Variants in SDC3 observed in about 807,000 individuals in gnomAD.
SDC3 encodes the protein syndecan 3.
SDC3 carries 13 observed loss-of-function variants against 24.4 expected under a neutral mutation model. The observed-to-expected ratio is 0.53, with a 90% CI of 0.35 to 0.85. The LOEUF (loss-of-function observed/expected upper bound fraction) is 0.85, where lower values mean the gene tolerates loss of function less well. Among genes scored for constraint, SDC3 ranks in the 40% least tolerant of loss-of-function variants. The pLI is 0.01. For synonymous variants in SDC3, 295 were observed against 260.9 expected (o/e 1.13, Z -1.26); for missense variants, 571 against 584.5 (o/e 0.98, Z 0.24).
chr1:30,894,713 T>G (rs969939739), intron 1 of SDC3, among the ~76,000 whole-genome samples: 6 of 144,406 alleles, frequency 4.2e-5, no homozygotes, highest in African/African-American at 1.5e-4. Context: ...TGGGTGTGTG[T>G]GGGGAGTGTG....
chr1:30,902,402 G>A (rs1346504119), intron 1 of SDC3, among the ~76,000 whole-genome samples: 1 of 152,212 alleles, frequency 6.6e-6, no homozygotes, highest in Admixed American at 6.5e-5. Context: ...CGGAAGTGAA[G>A]GCCACCAGGC....
chr1:30,905,720 AG>A (rs1284852169), intron 1 of SDC3, among the ~76,000 whole-genome samples: 2 of 152,134 alleles, frequency 1.3e-5, no homozygotes, highest in African/African-American at 4.8e-5. Flanking sequence ...TAAAATGTTC[AG>A]GATCCTCACA....
At chr1:30,892,374 C>G (rs1639919327) in intron 1 of SDC3, among the ~76,000 whole-genome samples, 1 of 152,140 alleles carries the variant, frequency 6.6e-6, no homozygotes, top group South Asian at 2.1e-4. Flanking sequence ...TTGGCCCCCT[C>G]CCCTGTAGGA....
At position 30,874,600 on chromosome 1, in the gene SDC3, G is replaced by A. The variant is rs771735138; in HGVS notation, c.871-12C>T. ...TCTGGAGTTGGGGTCTGCAGAGAGG[G>A]TGGCATGAGCCCAGGACAACCACAC... On this transcript the variant is annotated splice_polypyrimidine_tract_variant and intron_variant, in intron 3 of 4. Coordinates refer to ENST00000339394, the MANE Select transcript of SDC3 (RefSeq NM_014654.4). 2 of 1,611,988 alleles carry A rather than the reference G, an allele frequency of 1.2e-6. No individual in the cohort carries two copies. Among genetic ancestry groups the A allele is most frequent in the African/African-American group, 1.3e-5 (1 of 74,874 alleles).
At chr1:30,906,994 C>T (rs1323037442) in intron 1 of SDC3, among the ~76,000 whole-genome samples, 1 of 152,180 alleles carries the variant, frequency 6.6e-6, no homozygotes, top group Non-Finnish European at 1.5e-5. Context: ...CAGCTGACAG[C>T]CCCCTAGATG....
Position 30,869,625 on chromosome 1 carries a change from C to A in SDC3, c.*3586G>T. The A allele has an allele frequency of 2.5e-6, 1 of 398,088 alleles. No individual in the cohort carries two copies. Among genetic ancestry groups the A allele is most frequent in the Non-Finnish European group, 4.4e-6 (1 of 226,064 alleles). The allele number at this position is 398,088 out of a possible 1,614,324, so 24.7% of individuals were successfully genotyped here. A position where few individuals can be genotyped will look rare whatever the true frequency, so the allele number is the denominator to read the frequency against. On this transcript the variant is annotated 3_prime_UTR_variant, in exon 5 of 5. Coordinates refer to ENST00000339394, the MANE Select transcript of SDC3 (RefSeq NM_014654.4). ...AGAGTACCCGCAGTGGGGCAGGCGC[C>A]TTGGTCTCTTTTTTCCACTGTCTTT...
chr1:30,902,281 A>G (rs1452420726), intron 1 of SDC3, among the ~76,000 whole-genome samples: 3 of 152,198 alleles, frequency 2.0e-5, no homozygotes, highest in African/African-American at 7.2e-5. Context: ...GCCCTCAGCC[A>G]TGGCCGCTCA....
Position 30,908,685 on chromosome 1 carries a change from G to T in SDC3, c.-99C>A, listed in dbSNP as rs1488484093. 7.9e-6 allele frequency: 3 copies of T among 378,862 alleles called. No homozygotes were observed. The highest frequency in any genetic ancestry group is 1.1e-5 in the Non-Finnish European group (3 of 278,510). The allele number at this position is 378,862 out of a possible 1,614,324, so 23.5% of individuals were successfully genotyped here. A position where few individuals can be genotyped will look rare whatever the true frequency, so the allele number is the denominator to read the frequency against. ...TGCTTGGCGGCGGCGCGGCCCGGCG[G>T]CTGGACCGACGCGCTCTAGGCTCGC... On this transcript the variant is annotated 5_prime_UTR_variant, in exon 1 of 5. Coordinates refer to ENST00000339394, the MANE Select transcript of SDC3 (RefSeq NM_014654.4).
At chr1:30,881,494 C>G (rs1639744212) in intron 1 of SDC3, 1 of 152,488 alleles carries the variant, frequency 6.6e-6, no homozygotes, top group African/African-American at 2.4e-5. Flanking sequence ...ACAACCTTTC[C>G]TCTCGGCTGC....
At chr1:30,894,255 ATG>A (rs3080429) in intron 1 of SDC3, among the ~76,000 whole-genome samples, 69,923 of 133,120 alleles carry the variant, frequency 0.53, 17,998 homozygotes, top group South Asian at 0.69. Context: ...GTGGATGAGT[ATG>A]TGTGTGTGTG....
intron 1 of SDC3, 80 bp downstream of exon 1, chr1:30,908,369 G>T (rs1332568636): frequency 9.8e-5 from 82 of 834,608 alleles, no homozygotes; most frequent in Non-Finnish European, 1.1e-4. Flanking sequence ...CCGGAGGGGG[G>T]GTCGCGGGCG....
intron 3 of SDC3, 22 bp downstream of exon 3, chr1:30,876,530 T>C (rs1639639595): frequency 1.8e-6 from 2 of 1,086,224 alleles, no homozygotes; most frequent in Non-Finnish European, 2.5e-6. Flanking sequence ...CCCTCCTCCC[T>C]GTCCCTTCTC....
chr1:30,881,130 T>C (rs1270415866), intron 1 of SDC3, among the ~76,000 whole-genome samples: 3 of 150,760 alleles, frequency 2.0e-5, no homozygotes, highest in Non-Finnish European at 4.4e-5. Flanking sequence ...CACACACTAT[T>C]AAGTGCAATG....
chr1:30,896,563 C>G (rs1640000389), intron 1 of SDC3, among the ~76,000 whole-genome samples: 1 of 151,960 alleles, frequency 6.6e-6, no homozygotes. Context: ...TAGGAGTTCA[C>G]TGAAGAATAA....
At chr1:30,883,667 A>T (rs1639778596) in intron 1 of SDC3, among the ~76,000 whole-genome samples, 1 of 152,046 alleles carries the variant, frequency 6.6e-6, no homozygotes, top group Non-Finnish European at 1.5e-5. Flanking sequence ...CTGCAACTTC[A>T]AGGCTACACT....
rs745612317 is a variant in SDC3, at chr1:30,874,599, G to A, written c.871-11C>T. The A allele has an allele frequency of 9.9e-6, 16 of 1,611,952 alleles. No homozygotes were observed. Among genetic ancestry groups the A allele is most frequent in the Non-Finnish European group, 1.2e-5 (14 of 1,178,864 alleles). ...CTCTGGAGTTGGGGTCTGCAGAGAG[G>A]GTGGCATGAGCCCAGGACAACCACA... On this transcript the variant is annotated splice_polypyrimidine_tract_variant and intron_variant, in intron 3 of 4. Coordinates refer to ENST00000339394, the MANE Select transcript of SDC3 (RefSeq NM_014654.4).
At position 30,908,438 on chromosome 1, in the gene SDC3, G is replaced by A; in HGVS notation, c.138+11C>T. The A allele has an allele frequency of 3.9e-6, 4 of 1,034,826 alleles. No individual in the cohort carries two copies. The highest frequency in any genetic ancestry group is 4.7e-6 in the Non-Finnish European group (4 of 860,054). 64.1% of individuals were successfully genotyped at this position (1,034,826 alleles called of 1,614,324 possible). ...GGAGCCGTGGCGGGGATCCGGGCGC[G>A]TGTCACTCACCCCCGCGGCGCGCCC... is the stretch of plus-strand genomic sequence containing the variant. On this transcript the variant is annotated intron_variant, in intron 1 of 4. Transcript: ENST00000339394.
chr1:30,887,807 G>A (rs1390946610), intron 1 of SDC3, among the ~76,000 whole-genome samples: 1 of 152,126 alleles, frequency 6.6e-6, no homozygotes, highest in East Asian at 1.9e-4. Context: ...CCAGAGATCT[G>A]CATCACCTGC....
In SDC3 at chr1:30,876,872, CCACTGTGGCAGG is replaced by C. The variant is rs1639651041; in HGVS notation, c.538_549del (p.Pro180_Val183del). 6.2e-7 allele frequency: 1 copy of C among 1,613,392 alleles called. No individual in the cohort carries two copies. Among genetic ancestry groups the C allele is most frequent in the East Asian group, 2.2e-5 (1 of 44,886 alleles). On this transcript the variant is annotated inframe_deletion, in exon 3 of 5. Transcript: ENST00000339394. ...GCAGGGGTGCTGGGGGTGGCGGTGG[CCACTGTGGCAGG>C]CACTGTGGCCACAGTCGGGTCCCCT... is the stretch of plus-strand genomic sequence containing the variant.
Sources: gnomAD v4.1 joint callset for allele counts (sites outside exome capture counted in the v4.1 genomes callset) on GRCh38, gnomAD v4.1.1 for gene constraint, MANE v1.5 for transcripts, NCBI Gene and HGNC (gene_info 2026-07-23, HGNC 2026-07-21) for gene names.